RARA: variants seen among roughly 807,000 people sequenced by gnomAD.
RARA encodes PML-DDX5-RARA fusion.
A neutral mutation model predicts 42.8 loss-of-function variants in RARA; 5 were observed. That is an observed-to-expected ratio of 0.12 (90% CI 0.06 to 0.25). RARA has a LOEUF of 0.25. RARA is among the 10% of genes least tolerant of loss of function. The pLI, the probability that RARA is intolerant of heterozygous loss-of-function variation, is 1.00. For missense variants in RARA, 402 were observed against 628.7 expected (o/e 0.64, Z 3.86); for synonymous variants, 256 against 259.5 (o/e 0.99, Z 0.13).
rs138635693 is a variant in RARA at position 40,348,015 on chromosome 17, AC to A, written c.179-297del. 3.3e-3 allele frequency: 926 copies of A among 279,508 alleles called. 12 individuals are homozygous for A. Among genetic ancestry groups the A allele is most frequent in the African/African-American group, 0.019 (875 of 45,664 alleles). The allele number at this position is 279,508 out of a possible 1,614,324, so 17.3% of individuals were successfully genotyped here. On this transcript the variant is annotated intron_variant, in intron 2 of 8. Transcript: ENST00000254066. Reference sequence around the variant, plus strand: ...GAGCTTTAGAATCAGGGTGACCCCCACCCCTACTCCCCAAGCACAGTCACGG... The same window carrying A: ...GAGCTTTAGAATCAGGGTGACCCCCACCCTACTCCCCAAGCACAGTCACGG...
At chr17:40,332,186 C>A (rs1003846384) in intron 2 of RARA, among the ~76,000 whole-genome samples, 3 of 152,062 alleles carry the variant, frequency 2.0e-5, no homozygotes, top group Admixed American at 2.0e-4. Flanking sequence ...AGGGCTGGGG[C>A]CTGCCAGGCC....
intron 2 of RARA, chr17:40,347,978 G>A (rs1002800994): frequency 4.6e-5 from 10 of 217,968 alleles, no homozygotes; most frequent in South Asian, 1.5e-4. Context: ...GGGCCAGGCC[G>A]CCCAGGGGCA....
rs964531731 is a variant in RARA, at chr17:40,352,603, A to G, written c.807+96A>G. On this transcript the variant is annotated intron_variant, in intron 6 of 8. Transcript: ENST00000254066. This position sits in a 1 kb window ranked among gnomAD's most constrained non-coding sequence, Gnocchi z 4.9. ...CCACCCTCCTAAATGTCTGTCTGCA[A>G]TCAACCTGTCCAAATGCCCACCGCC... 1 of 1,212,614 alleles carries G rather than the reference A, an allele frequency of 8.2e-7. No individual in the cohort carries two copies. The highest frequency in any genetic ancestry group is 1.1e-6 in the Non-Finnish European group (1 of 893,844). The allele number at this position is 1,212,614 out of a possible 1,614,324, so 75.1% of individuals were successfully genotyped here. A position where few individuals can be genotyped will look rare whatever the true frequency, so the allele number is the denominator to read the frequency against.
intron 2 of RARA, among the ~76,000 whole-genome samples, chr17:40,338,124 C>T (rs557172574): frequency 9.2e-5 from 14 of 152,242 alleles, no homozygotes; most frequent in Non-Finnish European, 1.8e-4. Context: ...GGGAAGGAAG[C>T]CCGTCTTCCT....
intron 1 of RARA, among the ~76,000 whole-genome samples, chr17:40,313,524 A>C (rs1390089040): frequency 6.6e-6 from 1 of 152,132 alleles, no homozygotes; most frequent in Non-Finnish European, 1.5e-5. Context: ...TCCATAGACT[A>C]TGATGTGAAT....
At chr17:40,344,455 G>T (rs934255378) in intron 2 of RARA, among the ~76,000 whole-genome samples, 4 of 152,138 alleles carry the variant, frequency 2.6e-5, no homozygotes, top group Admixed American at 6.5e-5. Context: ...CACTGCCTTG[G>T]CCACCTTCTC....
intron 3 of RARA, 192 bp downstream of exon 3, chr17:40,348,656 T>A (rs923248065): frequency 6.4e-6 from 4 of 621,672 alleles, no homozygotes; most frequent in African/African-American, 3.9e-5. Flanking sequence ...TGTGCAGGGC[T>A]CCCTCAAACC....
At chr17:40,349,967 G>A (rs1399587558) in intron 4 of RARA, 42 bp downstream of exon 4, 2 of 1,606,730 alleles carry the variant, frequency 1.2e-6, no homozygotes, top group Non-Finnish European at 1.7e-6. Context: ...CCTCAGTTGG[G>A]GTCTCAGATG....
chr17:40,319,829 G>T (rs904445999), intron 1 of RARA, among the ~76,000 whole-genome samples: 6 of 152,200 alleles, frequency 3.9e-5, no homozygotes, highest in South Asian at 2.1e-4. Flanking sequence ...GGGCCGGGGG[G>T]GGCGGGTAGA....
rs1239592485 is a variant in RARA, at chr17:40,352,444, C to G, written c.744C>G (p.Gly248=). The G allele has an allele frequency of 2.5e-6, 4 of 1,613,712 alleles. No homozygotes were observed. The highest frequency in any genetic ancestry group is 3.4e-6 in the Non-Finnish European group (4 of 1,179,838). ...TGGAGTTCGCCAAGCAGCTGCCCGG[C>G]TTCACCACCCTCACCATCGCCGACC... is the stretch of plus-strand genomic sequence containing the variant. ...KTVEFAKQLP[G]FTTLTIADQI... The change falls in exon 6 of 9, where the codon GGC becomes GGG. Residue 248 remains glycine (G), a synonymous_variant. Coordinates refer to ENST00000254066, the MANE Select transcript of RARA (RefSeq NM_000964.4). This position sits in a 1 kb window ranked among gnomAD's most constrained non-coding sequence, Gnocchi z 4.9.
At position 40,356,427 on chromosome 17, in the gene RARA, C is replaced by G. The variant is rs760945393; in HGVS notation, c.*201C>G. On this transcript the variant is annotated 3_prime_UTR_variant, in exon 9 of 9. Transcript: ENST00000254066. ...GCCCTCAGTGGACTGCCTGCTCCCA[C>G]AGCCTGGGCTGACGTCAGAGGCCGA... The G allele has an allele frequency of 2.4e-4, 177 of 731,484 alleles. 2 individuals carry two copies. Among genetic ancestry groups the G allele is most frequent in the Non-Finnish European group, 3.4e-5 (14 of 413,472 alleles). The allele number at this position is 731,484 out of a possible 1,614,324, so 45.3% of individuals were successfully genotyped here. A position where few individuals can be genotyped will look rare whatever the true frequency, so the allele number is the denominator to read the frequency against.
intron 1 of RARA, among the ~76,000 whole-genome samples, chr17:40,330,644 C>T (rs2033666363): frequency 1.3e-5 from 2 of 152,146 alleles, no homozygotes; most frequent in African/African-American, 4.8e-5. Context: ...GGGCTCTGTC[C>T]CTGTCTCCCC....
At chr17:40,315,573 A>G (rs1048565690) in intron 1 of RARA, among the ~76,000 whole-genome samples, 8 of 152,174 alleles carry the variant, frequency 5.3e-5, no homozygotes, top group African/African-American at 1.2e-4. Flanking sequence ...AGCTGGTTCC[A>G]ACAAACTCCC....
chr17:40,313,236 C>T (rs2033129901), intron 1 of RARA, among the ~76,000 whole-genome samples: 1 of 152,126 alleles, frequency 6.6e-6, no homozygotes, highest in Non-Finnish European at 1.5e-5. Context: ...TCCTGCCCTG[C>T]CCAGGACCTG....
At chr17:40,349,501 C>G (rs1567761544) in intron 3 of RARA, 1 of 372,676 alleles carries the variant, frequency 2.7e-6, no homozygotes, top group Non-Finnish European at 4.9e-6. Flanking sequence ...TCACCAGCAG[C>G]CCTGAGGTCT....
Position 40,356,592 on chromosome 17 carries a change from G to A in RARA, c.*366G>A, listed in dbSNP as rs537346006. The A allele has an allele frequency of 1.5e-4, 83 of 538,086 alleles. No homozygotes were observed. Among genetic ancestry groups the A allele is most frequent in the Non-Finnish European group, 2.4e-4 (67 of 278,490 alleles). The allele number at this position is 538,086 out of a possible 1,614,324, so 33.3% of individuals were successfully genotyped here. The stretch of plus-strand genomic sequence containing the variant: ...CCAGGACTTGGCTCCCCCATCCTCA[G>A]AACTCACAAGCCATTGCTCCCCAGC... On this transcript the variant is annotated 3_prime_UTR_variant, in exon 9 of 9. Coordinates refer to ENST00000254066, the MANE Select transcript of RARA (RefSeq NM_000964.4).
At chr17:40,349,949 G>A (rs2034388964) in intron 4 of RARA, 24 bp downstream of exon 4, 4 of 1,611,250 alleles carry the variant, frequency 2.5e-6, no homozygotes, top group East Asian at 2.2e-5. Context: ...GGCAGGGGCC[G>A]AGTCCCGCCT....
intron 2 of RARA, chr17:40,341,900 C>A (rs1445084321): frequency 2.8e-6 from 3 of 1,069,236 alleles, no homozygotes; most frequent in Non-Finnish European, 3.6e-6. Context: ...TCCCTGTACT[C>A]GGCGTCCCTC....
intron 1 of RARA, among the ~76,000 whole-genome samples, chr17:40,315,130 G>GTATA (rs1356666001): frequency 0.054 from 2,887 of 53,702 alleles, 144 homozygotes; most frequent in East Asian, 0.17. Flanking sequence ...ATGCTTATAT[G>GTATA]TGTATATATA....
Sources: allele counts gnomAD v4.1 joint callset (sites outside exome capture counted in the v4.1 genomes callset), GRCh38; gene constraint gnomAD v4.1.1; non-coding constraint Gnocchi (gnomAD v3.1); transcripts MANE v1.5; gene names NCBI Gene and HGNC (gene_info 2026-07-23, HGNC 2026-07-21).